GPHN: variants seen among roughly 807,000 people sequenced by gnomAD.
GPHN encodes gephyrin.
A neutral mutation model predicts 95.5 loss-of-function variants in GPHN; 17 were observed. That is an observed-to-expected ratio of 0.18 (90% CI 0.12 to 0.27). The LOEUF (loss-of-function observed/expected upper bound fraction) is 0.27. GPHN is among the 10% of genes least tolerant of loss of function. The probability of loss-of-function intolerance (pLI) is 1.00; values close to 1 mark genes in which losing one functional copy is unlikely to be tolerated. For missense variants in GPHN, 660 were observed against 978.1 expected, an observed-to-expected ratio of 0.67 and a Z score of 4.34; for synonymous variants, 320 against 322.5, an observed-to-expected ratio of 0.99 and a Z score of 0.08.
intron 2 of GPHN, among the ~76,000 whole-genome samples, chr14:66,765,005 C>G (rs1048095836): frequency 6.6e-6 from 1 of 152,178 alleles, no homozygotes; most frequent in Non-Finnish European, 1.5e-5. Context: ...TACTATATAT[C>G]CAGATAATAA....
the GPHN span, among the ~76,000 whole-genome samples, chr14:67,260,828 A>G: frequency 6.6e-6 from 1 of 152,132 alleles, no homozygotes; most frequent in Non-Finnish European, 1.5e-5. Context: ...GAGGTGGGAA[A>G]TTGCAGGGCT....
chr14:67,436,150 G>C, the GPHN span, among the ~76,000 whole-genome samples: 1 of 152,254 alleles, frequency 6.6e-6, no homozygotes, highest in Admixed American at 6.5e-5. Context: ...GGAGTCTTGG[G>C]GCTTCTTGCC....
the GPHN span, among the ~76,000 whole-genome samples, chr14:67,246,737 C>T: frequency 6.6e-6 from 1 of 151,272 alleles, no homozygotes; most frequent in East Asian, 1.9e-4. Flanking sequence ...TGCAACTTCC[C>T]GCCTCCTGGG....
chr14:67,427,958 G>T, the GPHN span, among the ~76,000 whole-genome samples: 1 of 146,708 alleles, frequency 6.8e-6, no homozygotes, highest in Non-Finnish European at 1.5e-5. Flanking sequence ...GTCTCACTCT[G>T]CTGCCCAGGC....
At chr14:67,592,195 G>A in the GPHN span, 1 of 239,362 alleles carries the variant, frequency 4.2e-6, no homozygotes, top group South Asian at 3.8e-5. Context: ...AACACTTTGG[G>A]AGGCTGAGGC....
intron 13 of GPHN, among the ~76,000 whole-genome samples, chr14:67,108,712 G>GGTGGGT (rs2078185778): frequency 1.5e-5 from 2 of 131,142 alleles, no homozygotes; most frequent in East Asian, 2.2e-4. Flanking sequence ...TTCCCTAAGG[G>GGTGGGT]GTGTGTGTGT....
At chr14:67,316,156 T>G in the GPHN span, among the ~76,000 whole-genome samples, 1 of 152,208 alleles carries the variant, frequency 6.6e-6, no homozygotes, top group Admixed American at 6.5e-5. Flanking sequence ...GTGAAGCCAC[T>G]TGTATCCTAT....
chr14:67,021,207 A>G (rs930448486), intron 9 of GPHN, among the ~76,000 whole-genome samples: 2 of 152,070 alleles, frequency 1.3e-5, no homozygotes. Context: ...GTATAGGTTG[A>G]TTGATTGATT....
intron 1 of GPHN, among the ~76,000 whole-genome samples, chr14:66,562,869 G>C (rs565751893): frequency 6.6e-6 from 1 of 152,048 alleles, no homozygotes; most frequent in South Asian, 2.1e-4. Context: ...TTGTGTCTGT[G>C]TGTGTGTGTG....
chr14:67,226,470 C>T, the GPHN span, among the ~76,000 whole-genome samples: 1 of 152,248 alleles, frequency 6.6e-6, no homozygotes. Context: ...AAGAGATTCT[C>T]CTGCTTCAGC....
At chr14:67,428,084 T>G in the GPHN span, among the ~76,000 whole-genome samples, 1 of 152,178 alleles carries the variant, frequency 6.6e-6, no homozygotes, top group East Asian at 1.9e-4. Flanking sequence ...CACACCCAGC[T>G]AATTTTTGTA....
At chr14:67,352,927 A>G in the GPHN span, 1 of 1,600,122 alleles carries the variant, frequency 6.2e-7, no homozygotes, top group Non-Finnish European at 8.6e-7. Context: ...TTCTACCTCT[A>G]TTATCTTCTT....
the GPHN span, chr14:67,647,001 G>A: frequency 3.9e-5 from 63 of 1,611,854 alleles, no homozygotes; most frequent in Admixed American, 5.8e-4. Context: ...GTCATGGAAC[G>A]AACATTTGAT....
At chr14:67,105,885 T>C (rs2078007854) in intron 13 of GPHN, among the ~76,000 whole-genome samples, 1 of 152,160 alleles carries the variant, frequency 6.6e-6, no homozygotes, top group African/African-American at 2.4e-5. Context: ...TGGTTTTGCT[T>C]ACCCCTTGCT....
intron 4 of GPHN, among the ~76,000 whole-genome samples, chr14:66,833,760 A>G (rs1170685652): frequency 6.6e-6 from 1 of 152,106 alleles, no homozygotes; most frequent in African/African-American, 2.4e-5. Flanking sequence ...ACACAATTCC[A>G]ATTTTGTTGA....
chr14:67,466,073 T>C, the GPHN span, among the ~76,000 whole-genome samples: 1 of 152,206 alleles, frequency 6.6e-6, no homozygotes, highest in Non-Finnish European at 1.5e-5. Flanking sequence ...TGTTTAGAGC[T>C]ACTCATTTTG....
chr14:67,725,078 C>CT, the GPHN span: 11,083 of 1,613,976 alleles, frequency 6.9e-3, 68 homozygotes, highest in East Asian at 0.021. Context: ...ACATACTGCT[C>CT]TTTTTTTGTC....
the GPHN span, chr14:67,586,773 G>C: frequency 7.4e-7 from 1 of 1,348,484 alleles, no homozygotes; most frequent in South Asian, 1.3e-5. Context: ...AGGATCTCCA[G>C]ATCCCTTTCT....
the GPHN span, among the ~76,000 whole-genome samples, chr14:67,565,551 G>A: frequency 6.6e-6 from 1 of 152,210 alleles, no homozygotes; most frequent in African/African-American, 2.4e-5. Flanking sequence ...TGTAGTTCCA[G>A]CTGCTTTGAA....
Sources: gnomAD v4.1 joint callset for allele counts (sites outside exome capture counted in the v4.1 genomes callset) on GRCh38, gnomAD v4.1.1 for gene constraint, MANE v1.5 for transcripts, NCBI Gene and HGNC (gene_info 2026-07-23, HGNC 2026-07-21) for gene names.